MTUS2: variants seen among roughly 807,000 people sequenced by gnomAD.
MTUS2 encodes the protein microtubule-associated tumor suppressor candidate 2.
MTUS2 carries 40 observed loss-of-function variants against 114.1 expected under a neutral mutation model. The ratio of observed to expected loss-of-function variants is 0.35; its 90% CI spans 0.27 to 0.46. The LOEUF (loss-of-function observed/expected upper bound fraction) is 0.46, where lower values mean the gene tolerates loss of function less well. Ranked by LOEUF, MTUS2 falls within the 20% of genes least tolerant of loss-of-function variation. The probability of loss-of-function intolerance (pLI) is 1.00; values close to 1 mark genes in which losing one functional copy is unlikely to be tolerated. For missense variants in MTUS2, 1,679 were observed against 1,705.4 expected (o/e 0.98, Z 0.27); for synonymous variants, 688 against 672.0 (o/e 1.02, Z -0.37).
At chr13:29,393,743 C>T (rs1873692454) in intron 8 of MTUS2, among the ~76,000 whole-genome samples, 1 of 152,090 alleles carries the variant, frequency 6.6e-6, no homozygotes, top group Non-Finnish European at 1.5e-5. Flanking sequence ...CCAAGATAGT[C>T]CAAGAACAGC....
intron 2 of MTUS2, among the ~76,000 whole-genome samples, chr13:28,884,321 A>G (rs549467026): frequency 1.3e-5 from 2 of 152,328 alleles, no homozygotes; most frequent in Non-Finnish European, 2.9e-5. Flanking sequence ...CAAATATTGT[A>G]TGATTCTACT....
At chr13:29,118,176 A>T (rs1891167547) in intron 5 of MTUS2, among the ~76,000 whole-genome samples, 1 of 152,032 alleles carries the variant, frequency 6.6e-6, no homozygotes, top group Admixed American at 6.6e-5. Flanking sequence ...CTGTCTTCAT[A>T]GTCATCACTA....
chr13:29,111,127 T>C (rs183194455), intron 5 of MTUS2, among the ~76,000 whole-genome samples: 2 of 152,284 alleles, frequency 1.3e-5, no homozygotes, highest in African/African-American at 4.8e-5. Context: ...AAGTAAGGAA[T>C]AGTAGAATTG....
chr13:28,923,754 A>G (rs1593303442), intron 2 of MTUS2, among the ~76,000 whole-genome samples: 1 of 152,210 alleles, frequency 6.6e-6, no homozygotes, highest in South Asian at 2.1e-4. Flanking sequence ...TTCCCAACCT[A>G]GTTCACTTGT....
intron 2 of MTUS2, among the ~76,000 whole-genome samples, chr13:28,915,916 T>A (rs755118659): frequency 1.3e-5 from 2 of 152,150 alleles, no homozygotes; most frequent in African/African-American, 2.4e-5. Flanking sequence ...TTGTAGTAGT[T>A]TTATAGTTTG....
chr13:29,041,733 A>G (rs1887370806), intron 4 of MTUS2, among the ~76,000 whole-genome samples: 1 of 152,020 alleles, frequency 6.6e-6, no homozygotes, highest in Admixed American at 6.6e-5. Context: ...AGCTGTTGTA[A>G]AAGGGGTTGA....
At chr13:28,942,626 A>G (rs1183748919) in intron 2 of MTUS2, among the ~76,000 whole-genome samples, 1 of 152,254 alleles carries the variant, frequency 6.6e-6, no homozygotes, top group Non-Finnish European at 1.5e-5. Context: ...GGAATCCTAT[A>G]CAGCAATCAG....
intron 2 of MTUS2, among the ~76,000 whole-genome samples, chr13:28,883,353 T>C (rs1878403466): frequency 6.6e-6 from 1 of 152,138 alleles, no homozygotes; most frequent in Non-Finnish European, 1.5e-5. Flanking sequence ...TGCACGAAAG[T>C]GTTCATAGCA....
At chr13:29,089,792 T>G (rs147738727) in intron 4 of MTUS2, among the ~76,000 whole-genome samples, 18 of 152,348 alleles carry the variant, frequency 1.2e-4, no homozygotes, top group African/African-American at 3.8e-4. Flanking sequence ...TTTCTGGAAG[T>G]TCAGTTTGGT....
chr13:28,826,077 A>G (rs985668691), intron 1 of MTUS2, among the ~76,000 whole-genome samples: 1 of 152,122 alleles, frequency 6.6e-6, no homozygotes, highest in Non-Finnish European at 1.5e-5. Context: ...TTGGTTGTAT[A>G]TATTCTATAT....
intron 2 of MTUS2, among the ~76,000 whole-genome samples, chr13:28,994,046 TC>T (rs1053603898): frequency 6.6e-6 from 1 of 152,110 alleles, no homozygotes; most frequent in African/African-American, 2.4e-5. Flanking sequence ...ATGCTATCCC[TC>T]CCCCCTCCTG....
chr13:29,391,476 A>C (rs575160457), intron 8 of MTUS2, among the ~76,000 whole-genome samples: 2 of 152,284 alleles, frequency 1.3e-5, no homozygotes, highest in South Asian at 4.1e-4. Context: ...CACTGGAGTA[A>C]GGAGCTGCAT....
chr13:29,255,098 C>A lies in MTUS2; in HGVS notation c.2645-26606C>A, dbSNP rs140850824. ...TTTTCCCAGCGGTGCACACATGCAT[C>A]GGCAGTAAGTATCTCCCCGGTGAAC... On this transcript the variant is annotated intron_variant, in intron 5 of 15. Coordinates refer to ENST00000612955, the MANE Select transcript of MTUS2 (RefSeq NM_001033602.4). Among the ~76,000 whole-genome samples the A allele has an allele frequency of 8.7e-3, 1,327 of 152,234 alleles. 19 individuals are homozygous for A. The highest frequency in any genetic ancestry group is 0.03 in the African/African-American group (1,253 of 41,514).
At chr13:28,889,246 T>C (rs567126990) in intron 2 of MTUS2, among the ~76,000 whole-genome samples, 4 of 152,300 alleles carry the variant, frequency 2.6e-5, no homozygotes, top group South Asian at 4.1e-4. Context: ...GTTGGTTCCA[T>C]TGAAGGGGAA....
chr13:29,186,259 A>G (rs1854668519), intron 5 of MTUS2, among the ~76,000 whole-genome samples: 1 of 152,228 alleles, frequency 6.6e-6, no homozygotes, highest in African/African-American at 2.4e-5. Context: ...ACAAAATGGC[A>G]AACATAAATA....
chr13:28,830,648 C>A (rs1483536470), intron 1 of MTUS2, among the ~76,000 whole-genome samples: 1 of 152,030 alleles, frequency 6.6e-6, no homozygotes, highest in Non-Finnish European at 1.5e-5. Flanking sequence ...AACAGAACAT[C>A]AGATTTATGG....
chr13:29,326,843 G>A (rs182529960), intron 7 of MTUS2, among the ~76,000 whole-genome samples: 6 of 152,200 alleles, frequency 3.9e-5, no homozygotes, highest in Non-Finnish European at 5.9e-5. Context: ...AGCCAGGTGT[G>A]GTGGTGCGTG....
chr13:29,110,003 A>G (rs769653899), intron 5 of MTUS2, among the ~76,000 whole-genome samples: 70 of 152,236 alleles, frequency 4.6e-4, no homozygotes, highest in Non-Finnish European at 1.8e-4. Context: ...TTTCATGGCA[A>G]TCTCTTTCTT....
At chr13:28,844,214 G>A (rs1875706437) in intron 2 of MTUS2, among the ~76,000 whole-genome samples, 1 of 152,162 alleles carries the variant, frequency 6.6e-6, no homozygotes, top group South Asian at 2.1e-4. Context: ...TTTGCATAGG[G>A]AGATCATTTA....
Sources: allele counts gnomAD v4.1 joint callset (sites outside exome capture counted in the v4.1 genomes callset), GRCh38; gene constraint gnomAD v4.1.1; transcripts MANE v1.5; gene names NCBI Gene and HGNC (gene_info 2026-07-23, HGNC 2026-07-21).